The following CACNA2D2 variants were observed in gnomAD, a reference collection of about 807,000 sequenced individuals.
The protein encoded by CACNA2D2 is calcium voltage-gated channel auxiliary subunit alpha2delta 2, also known as voltage-dependent calcium channel subunit alpha-2/delta-2.
Under a neutral mutation model 166.4 loss-of-function variants are expected in CACNA2D2, and 48 were observed. The observed-to-expected ratio is 0.29, with a 90% CI of 0.23 to 0.37. CACNA2D2 has a LOEUF of 0.37. CACNA2D2 is among the 10% of genes least tolerant of loss of function. CACNA2D2 has a pLI of 1.00. For synonymous variants in CACNA2D2, 561 were observed against 573.7 expected (o/e 0.98, Z 0.32); for missense variants, 1,122 against 1,433.0 (o/e 0.78, Z 3.50).
intron 1 of CACNA2D2, among the ~76,000 whole-genome samples, chr3:50,478,545 A>G (rs1399549785): frequency 6.6e-6 from 1 of 152,248 alleles, no homozygotes; most frequent in Non-Finnish European, 1.5e-5. Flanking sequence ...GAGGGCATCC[A>G]CTACGTACAA....
intron 1 of CACNA2D2, among the ~76,000 whole-genome samples, chr3:50,495,386 G>A (rs915226789): frequency 5.3e-5 from 8 of 152,142 alleles, no homozygotes; most frequent in African/African-American, 1.4e-4. Context: ...ACACACAGGC[G>A]CGTCCTGAAA....
rs2107206308 is a variant in CACNA2D2, at chr3:50,503,430, A to G, written c.-7T>C. 1.2e-5 allele frequency: 2 copies of G among 165,016 alleles called. No individual in the cohort carries two copies. The highest frequency in any genetic ancestry group is 2.1e-4 in the South Asian group (1 of 4,878). 10.2% of individuals were successfully genotyped at this position (165,016 alleles called of 1,614,324 possible). On this transcript the variant is annotated 5_prime_UTR_variant, in exon 1 of 38. The change abolishes an upstream ATG in the 5' untranslated region. Transcript: ENST00000424201. ...TCCGAGCCGGCACCGCCATGTTTCC[A>G]TTCAAGATGCGGCGCCGCGGGGAGG...
intron 3 of CACNA2D2, chr3:50,419,846 G>T (rs1707464637): frequency 6.6e-6 from 1 of 152,296 alleles, no homozygotes; most frequent in African/African-American, 2.4e-5. Context: ...GCAGGGTCAG[G>T]CCTGGTTAGT....
At chr3:50,394,205 A>C (rs753332601) in intron 3 of CACNA2D2, 37 bp from the exon 4 acceptor site, 1 of 1,588,976 alleles carries the variant, frequency 6.3e-7, no homozygotes, top group Non-Finnish European at 8.6e-7. Flanking sequence ...GAAGCGGAGG[A>C]AGGCAGCCTG....
In CACNA2D2 at chr3:50,365,486, C is replaced by T. The variant is rs780845562; in HGVS notation, c.2972-4G>A. Reference sequence around the variant, plus strand: ...CTCCCCTCGGCCTCCGCGGGGTCTGCGAGGGCCCAGAGCGCCTCAGCTCCG... The same window carrying T: ...CTCCCCTCGGCCTCCGCGGGGTCTGTGAGGGCCCAGAGCGCCTCAGCTCCG... On this transcript the variant is annotated splice_polypyrimidine_tract_variant and splice_region_variant and intron_variant, in intron 34 of 37. Transcript: ENST00000424201. This position sits in a 1 kb window ranked among gnomAD's most constrained non-coding sequence, Gnocchi z 4.5. The T allele has an allele frequency of 4.3e-6, 7 of 1,612,898 alleles. No homozygotes were observed. Among genetic ancestry groups the T allele is most frequent in the South Asian group, 1.1e-5 (1 of 91,028 alleles).
chr3:50,472,028 T>C (rs1575742790), intron 2 of CACNA2D2, among the ~76,000 whole-genome samples: 1 of 152,154 alleles, frequency 6.6e-6, no homozygotes, highest in Admixed American at 6.5e-5. Context: ...AAGACTCAGG[T>C]TGGGGATTTC....
chr3:50,486,446 T>C (rs1031999560), intron 1 of CACNA2D2, among the ~76,000 whole-genome samples: 2 of 151,722 alleles, frequency 1.3e-5, no homozygotes, highest in Non-Finnish European at 2.9e-5. Context: ...CACAAATAGC[T>C]GTCCTCTGTA....
chr3:50,403,667 TC>T (rs2106770324), intron 3 of CACNA2D2, among the ~76,000 whole-genome samples: 1 of 152,296 alleles, frequency 6.6e-6, no homozygotes, highest in East Asian at 1.9e-4. Context: ...GGACCACTCC[TC>T]CCTTCCTAAC....
At chr3:50,429,895 G>C (rs1707990339) in intron 3 of CACNA2D2, among the ~76,000 whole-genome samples, 1 of 152,006 alleles carries the variant, frequency 6.6e-6, no homozygotes, top group South Asian at 2.1e-4. Context: ...TTGATCTGAA[G>C]CAGAAGCTGG....
chr3:50,445,562 AGTCT>A (rs1481354517), intron 2 of CACNA2D2, among the ~76,000 whole-genome samples: 2 of 152,208 alleles, frequency 1.3e-5, no homozygotes, highest in African/African-American at 4.8e-5. Context: ...AGTGCCCTTA[AGTCT>A]TCTGTAGAAC....
intron 3 of CACNA2D2, among the ~76,000 whole-genome samples, chr3:50,433,543 T>C (rs1055670323): frequency 6.6e-6 from 1 of 152,108 alleles, no homozygotes; most frequent in Non-Finnish European, 1.5e-5. Context: ...TTGGATTAGT[T>C]TGTCTTTGAC....
intron 1 of CACNA2D2, among the ~76,000 whole-genome samples, chr3:50,477,520 C>A (rs1462808764): frequency 6.6e-6 from 1 of 152,182 alleles, no homozygotes; most frequent in Non-Finnish European, 1.5e-5. Flanking sequence ...CAAAACCACA[C>A]TAGACCTTGC....
At chr3:50,382,071 C>T (rs954364232) in intron 6 of CACNA2D2, among the ~76,000 whole-genome samples, 1 of 151,946 alleles carries the variant, frequency 6.6e-6, no homozygotes, top group African/African-American at 2.4e-5. Context: ...GACCCTTCAA[C>T]CTGGGCAGAG....
At position 50,367,275 on chromosome 3, in the gene CACNA2D2, T is replaced by A; in HGVS notation, c.2401+119A>T. On this transcript the variant is annotated intron_variant, in intron 27 of 37. Coordinates refer to ENST00000424201, the MANE Select transcript of CACNA2D2 (RefSeq NM_006030.4). The surrounding 1 kb of genome is among the most constrained non-coding windows in gnomAD (Gnocchi z 6.5). ...TCTATCCCTCTTTTCACGTCTGCCC[T>A]GGCCTCAGCCAGCCTTGTGTTGGAG... The A allele has an allele frequency of 9.3e-7, 1 of 1,069,572 alleles. No individual in the cohort carries two copies. The highest frequency in any genetic ancestry group is 1.4e-6 in the Non-Finnish European group (1 of 707,052). The allele number at this position is 1,069,572 out of a possible 1,614,324, so 66.3% of individuals were successfully genotyped here.
At chr3:50,444,681 A>G in intron 2 of CACNA2D2, among the ~76,000 whole-genome samples, 1 of 152,252 alleles carries the variant, frequency 6.6e-6, no homozygotes, top group Non-Finnish European at 1.5e-5. Context: ...CACCAACGAC[A>G]GCCCCAATCA....
At chr3:50,475,511 C>T (rs1326705937) in intron 2 of CACNA2D2, among the ~76,000 whole-genome samples, 2 of 152,186 alleles carry the variant, frequency 1.3e-5, no homozygotes, top group East Asian at 1.9e-4. Context: ...CTCAGGAGCC[C>T]GGGGCCTGAC....
intron 2 of CACNA2D2, among the ~76,000 whole-genome samples, chr3:50,471,285 A>G (rs910409909): frequency 1.3e-5 from 2 of 151,896 alleles, no homozygotes; most frequent in African/African-American, 4.8e-5. Context: ...TCAGTGCGAC[A>G]GCCTGTACCA....
intron 2 of CACNA2D2, among the ~76,000 whole-genome samples, chr3:50,460,192 A>G (rs1416457891): frequency 6.6e-6 from 1 of 152,248 alleles, no homozygotes; most frequent in Non-Finnish European, 1.5e-5. Context: ...ACTAAATGCA[A>G]AGTGGTTCCT....
rs1042639868 is a variant in CACNA2D2, at chr3:50,366,400, G to C, written c.2638-62C>G. The C allele has an allele frequency of 2.6e-6, 4 of 1,561,516 alleles. No homozygotes were observed. Among genetic ancestry groups the C allele is most frequent in the Middle Eastern group, 1.7e-4 (1 of 5,968 alleles). The stretch of plus-strand genomic sequence containing the variant: ...GCTGGGCCCCGGACCTTCCACCGCA[G>C]GCAGTCCAGTGGTTCAGAGTTGGGG... On this transcript the variant is annotated intron_variant, in intron 30 of 37. Coordinates refer to ENST00000424201, the MANE Select transcript of CACNA2D2 (RefSeq NM_006030.4). The surrounding 1 kb of genome is among the most constrained non-coding windows in gnomAD (Gnocchi z 5.9).
Sources: allele counts gnomAD v4.1 joint callset (sites outside exome capture counted in the v4.1 genomes callset), GRCh38; gene constraint gnomAD v4.1.1; non-coding constraint Gnocchi (gnomAD v3.1); transcripts MANE v1.5; gene names NCBI Gene and HGNC (gene_info 2026-07-23, HGNC 2026-07-21).